HSP90B1: variants seen among roughly 807,000 people sequenced by gnomAD.
HSP90B1 encodes the protein heat shock protein 90 beta family member 1.
HSP90B1 carries 27 observed loss-of-function variants against 100.4 expected under a neutral mutation model. The ratio of observed to expected loss-of-function variants is 0.27; its 90% CI spans 0.20 to 0.37. The LOEUF (loss-of-function observed/expected upper bound fraction) is 0.37, where lower values mean the gene tolerates loss of function less well. Ranked by LOEUF, HSP90B1 falls within the 10% of genes least tolerant of loss-of-function variation. The pLI, the probability that HSP90B1 is intolerant of heterozygous loss-of-function variation, is 1.00. For synonymous variants in HSP90B1, 304 were observed against 330.8 expected, an observed-to-expected ratio of 0.92 and a Z score of 0.88; for missense variants, 678 against 960.5, an observed-to-expected ratio of 0.71 and a Z score of 3.89.
At position 103,947,685 on chromosome 12, in the gene HSP90B1, C is replaced by T. The variant is rs373539366; in HGVS notation, c.*23C>T. ...TAAATTATACTCTCACCATTTGGATCCTGTGTGGAGAGGGAATGTGAAATT... is the reference window on the plus strand; with the variant it reads ...TAAATTATACTCTCACCATTTGGATTCTGTGTGGAGAGGGAATGTGAAATT... On this transcript the variant is annotated 3_prime_UTR_variant, in exon 18 of 18. Transcript: ENST00000299767. The T allele has an allele frequency of 6.3e-6, 10 of 1,583,660 alleles. No individual in the cohort carries two copies. The African/African-American group carries it at 1.4e-4, about 21-fold the overall frequency.
At chr12:103,941,730 A>G (rs200877609) in intron 10 of HSP90B1, 24 bp downstream of exon 10, 1 of 1,610,140 alleles carries the variant, frequency 6.2e-7, no homozygotes, top group East Asian at 2.2e-5. Context: ...GTTTGGGAGA[A>G]GGGGTGATTG....
intron 5 of HSP90B1, among the ~76,000 whole-genome samples, chr12:103,935,279 CAG>C (rs1255391440): frequency 1.3e-5 from 2 of 152,324 alleles, no homozygotes; most frequent in East Asian, 3.9e-4. Context: ...ATGGGTGAGA[CAG>C]AGCCAGTGCC....
chr12:103,947,612 GTTTTT>G lies in HSP90B1; in HGVS notation c.2383-17_2383-13del. On this transcript the variant is annotated splice_polypyrimidine_tract_variant and intron_variant, in intron 17 of 17. Transcript: ENST00000299767. ...TCTGCTAACTTTTAATACCTTCTGG[GTTTTT>G]TTTATTTATTTACAGGAATCTACAG... 1 of 1,569,210 alleles carries G rather than the reference GTTTTT, an allele frequency of 6.4e-7. No individual in the cohort carries two copies.
chr12:103,939,305 G>A (rs1870010479), intron 7 of HSP90B1, among the ~76,000 whole-genome samples: 1 of 150,428 alleles, frequency 6.6e-6, no homozygotes, highest in Non-Finnish European at 1.5e-5. Context: ...GTCTTGCTAT[G>A]TTGCCTGGAC....
chr12:103,930,452 A>C lies in HSP90B1; in HGVS notation c.-64A>C. ...GCTGGAGGTGTGAGGATCCGAACCC[A>C]GGGGTGGGGGGTGGAGGCGGCTCCT... On this transcript the variant is annotated 5_prime_UTR_variant, in exon 1 of 18. Coordinates refer to ENST00000299767, the MANE Select transcript of HSP90B1 (RefSeq NM_003299.3). The surrounding 1 kb of genome is among the most constrained non-coding windows in gnomAD (Gnocchi z 4.4). 1 of 1,510,764 alleles carries C rather than the reference A, an allele frequency of 6.6e-7. No individual in the cohort carries two copies. Among genetic ancestry groups the C allele is most frequent in the Non-Finnish European group, 9.0e-7 (1 of 1,115,038 alleles). The allele number at this position is 1,510,764 out of a possible 1,614,324, so 93.6% of individuals were successfully genotyped here. A position where few individuals can be genotyped will look rare whatever the true frequency, so the allele number is the denominator to read the frequency against.
intron 14 of HSP90B1, among the ~76,000 whole-genome samples, chr12:103,944,443 A>G (rs1870167251): frequency 6.6e-6 from 1 of 152,104 alleles, no homozygotes; most frequent in South Asian, 2.1e-4. Flanking sequence ...TGTCACAGCA[A>G]TGATCTTGAA....
chr12:103,946,144 T>C (rs1052391166), intron 14 of HSP90B1, among the ~76,000 whole-genome samples: 2 of 152,232 alleles, frequency 1.3e-5, no homozygotes, highest in Non-Finnish European at 2.9e-5. Context: ...GCTATTATAC[T>C]GTATTGGGTT....
Position 103,947,291 on chromosome 12 carries a change from C to A in HSP90B1, c.2263-20C>A. ...GAAATAAATCCAAGGCATTAATGGGCCCATAAATGTTGTGTTTAGGTGGAA... is the reference window on the plus strand; with the variant it reads ...GAAATAAATCCAAGGCATTAATGGGACCATAAATGTTGTGTTTAGGTGGAA... On this transcript the variant is annotated intron_variant, in intron 16 of 17. Transcript: ENST00000299767. 1 of 1,567,270 alleles carries A rather than the reference C, an allele frequency of 6.4e-7. No homozygotes were observed. Among genetic ancestry groups the A allele is most frequent in the South Asian group, 1.2e-5 (1 of 82,626 alleles).
chr12:103,943,064 A>T lies in HSP90B1; in HGVS notation c.1645-10A>T. 1 of 1,612,732 alleles carries T rather than the reference A, an allele frequency of 6.2e-7. No homozygotes were observed. Among genetic ancestry groups the T allele is most frequent in the Non-Finnish European group, 8.5e-7 (1 of 1,179,348 alleles). Reference sequence around the variant, plus strand: ...GACTTGGAAAACTTTGTGACTTCTTAATTTTGTAGGCTGAATCTTCTCCAT... The same window carrying T: ...GACTTGGAAAACTTTGTGACTTCTTTATTTTGTAGGCTGAATCTTCTCCAT... On this transcript the variant is annotated splice_polypyrimidine_tract_variant and intron_variant, in intron 12 of 17. Transcript: ENST00000299767. This position sits in a 1 kb window ranked among gnomAD's most constrained non-coding sequence, Gnocchi z 5.3.
At chr12:103,934,367 G>A in intron 5 of HSP90B1, 80 bp downstream of exon 5, 5 of 1,123,844 alleles carry the variant, frequency 4.4e-6, no homozygotes, top group Non-Finnish European at 6.4e-6. Context: ...CTGAGCAAAT[G>A]ACTTATTCTG....
chr12:103,940,977 G>C (rs1042800542), intron 8 of HSP90B1, among the ~76,000 whole-genome samples: 2 of 152,100 alleles, frequency 1.3e-5, no homozygotes, highest in African/African-American at 4.8e-5. Context: ...CATCTTTGTA[G>C]CCACTCTTAG....
intron 4 of HSP90B1, 36 bp from the exon 5 acceptor site, chr12:103,933,920 T>C: frequency 6.5e-7 from 1 of 1,530,728 alleles, no homozygotes; most frequent in Non-Finnish European, 9.0e-7. Flanking sequence ...AATGTAAATA[T>C]TAAATACAAC....
At chr12:103,938,270 A>G (rs575459189) in intron 6 of HSP90B1, 70 bp from the exon 7 acceptor site, 1 of 1,398,402 alleles carries the variant, frequency 7.2e-7, no homozygotes, top group East Asian at 2.5e-5. Flanking sequence ...GTAATGTTAT[A>G]TCATATTCTG....
chr12:103,946,153 TTTTTTA>T (rs1442767609), intron 14 of HSP90B1, among the ~76,000 whole-genome samples: 1 of 152,166 alleles, frequency 6.6e-6, no homozygotes, highest in Non-Finnish European at 1.5e-5. Flanking sequence ...CTGTATTGGG[TTTTTTA>T]TTTTTTTCTT....
rs766330879 is a variant in HSP90B1 at position 103,932,919 on chromosome 12, G to T, written c.388G>T (p.Glu130Ter). Residue 130 changes from glutamate to a stop codon, truncating the protein, a stop_gained, in exon 4 of 18, where the codon GAG becomes TAG. Transcript: ENST00000299767. LOFTEE classifies it high-confidence loss of function. The stretch of plus-strand genomic sequence containing the variant: ...TGATGAAAATGCTCTTTCTGGAAAT[G>T]AGGAACTAACAGTCAAAATTAAGGT... ...LTDENALSGN[E>*]ELTVKIKCDK... The T allele has an allele frequency of 6.4e-7, 1 of 1,572,892 alleles. No homozygotes were observed. Among genetic ancestry groups the T allele is most frequent in the Non-Finnish European group, 8.8e-7 (1 of 1,142,758 alleles).
chr12:103,936,131 G>A (rs376061196), intron 5 of HSP90B1, among the ~76,000 whole-genome samples: 4 of 152,048 alleles, frequency 2.6e-5, no homozygotes, highest in Non-Finnish European at 5.9e-5. Context: ...CCACTGCCAC[G>A]GCCTCAGGTT....
At chr12:103,931,880 T>C (rs1869775176) in intron 2 of HSP90B1, 2 of 486,664 alleles carry the variant, frequency 4.1e-6, no homozygotes, top group Non-Finnish European at 7.6e-6. Flanking sequence ...ATACTTTCAG[T>C]TGGATTTGTA....
At chr12:103,934,688 T>C (rs1593487996) in intron 5 of HSP90B1, among the ~76,000 whole-genome samples, 1 of 152,164 alleles carries the variant, frequency 6.6e-6, no homozygotes. Context: ...ATGGATAGAA[T>C]GTGATGAACT....
At position 103,941,536 on chromosome 12, in the gene HSP90B1, G is replaced by A. The variant is rs1375491950; in HGVS notation, c.1219G>A (p.Asp407Asn). Residue 407 changes from aspartate (D) to asparagine (N), a missense_variant, in exon 9 of 18, where the codon GAT (aspartate) becomes AAT (asparagine). Transcript: ENST00000299767. Reference sequence around the variant, plus strand: ...TGACGAATATGGATCTAAAAAGAGCGATTACATTAAGGTGAGTTTTTAAGT... The same window carrying A: ...TGACGAATATGGATCTAAAAAGAGCAATTACATTAAGGTGAGTTTTTAAGT... ...LFDEYGSKKSDYIKLYVRRVF... is the reference protein window; with the variant it reads ...LFDEYGSKKSNYIKLYVRRVF... 19 of 1,613,972 alleles carry A rather than the reference G, an allele frequency of 1.2e-5. No homozygotes were observed. Among genetic ancestry groups the A allele is most frequent in the South Asian group, 3.3e-5 (3 of 91,074 alleles).
Sources: allele counts gnomAD v4.1 joint callset (sites outside exome capture counted in the v4.1 genomes callset), GRCh38; gene constraint gnomAD v4.1.1; non-coding constraint Gnocchi (gnomAD v3.1); transcripts MANE v1.5; gene names NCBI Gene and HGNC (gene_info 2026-07-23, HGNC 2026-07-21).